The following SQOR variants were observed in gnomAD, a reference collection of about 807,000 sequenced individuals.
The protein encoded by SQOR is sulfide:quinone oxidoreductase, mitochondrial.
Under a neutral mutation model 48.6 loss-of-function variants are expected in SQOR, and 39 were observed. That is an observed-to-expected ratio of 0.80 (90% CI 0.62 to 1.05). SQOR has a LOEUF of 1.05. SQOR is among the 50% of genes least tolerant of loss of function. The probability of loss-of-function intolerance (pLI) is 0.00; values close to 1 mark genes in which losing one functional copy is unlikely to be tolerated. For missense variants in SQOR, 561 were observed against 559.9 expected, an observed-to-expected ratio of 1.00 and a Z score of -0.02; for synonymous variants, 220 against 206.2, an observed-to-expected ratio of 1.07 and a Z score of -0.57.
At position 45,636,404 on chromosome 15, in the gene SQOR, TTC is replaced by T. The variant is rs1269928920; in HGVS notation, c.-18+1298_-18+1299del. ...TAAGAAAATATCTGTAATTTCTTTCTTCTTTTTTTTTTTTTTTTGAGACGGAG... is the reference window on the plus strand; with the variant it reads ...TAAGAAAATATCTGTAATTTCTTTCTTTTTTTTTTTTTTTTTGAGACGGAG... On this transcript the variant is annotated intron_variant, in intron 1 of 9. Transcript: ENST00000260324. Among the ~76,000 whole-genome samples the T allele has an allele frequency of 1.6e-4, 23 of 141,120 alleles. 1 individual carries two copies. Among genetic ancestry groups the T allele is most frequent in the South Asian group, 6.8e-4 (3 of 4,406 alleles). 92.6% of individuals were successfully genotyped at this position (141,120 alleles called of 152,430 possible). A position where few individuals can be genotyped will look rare whatever the true frequency, so the allele number is the denominator to read the frequency against.
At chr15:45,636,259 GTTAT>G (rs1309588332) in intron 1 of SQOR, among the ~76,000 whole-genome samples, 5 of 151,834 alleles carry the variant, frequency 3.3e-5, no homozygotes, top group Admixed American at 2.0e-4. Context: ...AAACGAATGC[GTTAT>G]TTAATAACAA....
chr15:45,676,905 G>A (rs1325073835), intron 6 of SQOR, among the ~76,000 whole-genome samples: 1 of 152,258 alleles, frequency 6.6e-6, no homozygotes, highest in Non-Finnish European at 1.5e-5. Context: ...GCTGGGCGTG[G>A]TGGCACATCC....
At chr15:45,681,821 C>A (rs752156747) in intron 6 of SQOR, among the ~76,000 whole-genome samples, 1 of 152,130 alleles carries the variant, frequency 6.6e-6, no homozygotes, top group Admixed American at 6.6e-5. Flanking sequence ...AACCTTGATA[C>A]GGTGTTTTGG....
At chr15:45,662,185 A>C (rs1889732912) in intron 3 of SQOR, 60 bp downstream of exon 3, 1 of 1,572,242 alleles carries the variant, frequency 6.4e-7, no homozygotes, top group Admixed American at 1.7e-5. Flanking sequence ...ATATGCAGCC[A>C]TCTTAAACTG....
chr15:45,688,453 T>C, intron 8 of SQOR, 49 bp downstream of exon 8: 4 of 1,319,054 alleles, frequency 3.0e-6, no homozygotes, highest in Admixed American at 2.3e-5. Flanking sequence ...TCTTCCATTC[T>C]GTGTAAAAGT....
At position 45,689,074 on chromosome 15, in the gene SQOR, C is replaced by A; in HGVS notation, c.1152C>A (p.Gly384=). ...ACACATCATGTCCACTGGTGACCGG[C>A]TACAACCGTGTGATTCTTGCTGAGT... ...DGYTSCPLVT[G]YNRVILAEFD... The change falls in exon 9 of 10, where the codon GGC becomes GGA. Residue 384 remains glycine, a synonymous_variant. Coordinates refer to ENST00000260324, the MANE Select transcript of SQOR (RefSeq NM_021199.4). 1.2e-6 allele frequency: 2 copies of A among 1,614,154 alleles called. No individual in the cohort carries two copies. Among genetic ancestry groups the A allele is most frequent in the Non-Finnish European group, 1.7e-6 (2 of 1,180,018 alleles).
intron 6 of SQOR, among the ~76,000 whole-genome samples, chr15:45,680,933 G>T (rs956699590): frequency 1.3e-5 from 2 of 151,822 alleles, no homozygotes; most frequent in Non-Finnish European, 2.9e-5. Context: ...TCTAGGTCAG[G>T]TATGGTAGCT....
chr15:45,668,816 G>A (rs1047429335), intron 3 of SQOR, among the ~76,000 whole-genome samples: 3 of 152,120 alleles, frequency 2.0e-5, no homozygotes, highest in African/African-American at 7.2e-5. Flanking sequence ...CAGTTTTCTA[G>A]GCAAGTTCTT....
intron 1 of SQOR, among the ~76,000 whole-genome samples, chr15:45,637,387 A>G (rs1895023826): frequency 6.6e-6 from 1 of 152,172 alleles, no homozygotes; most frequent in African/African-American, 2.4e-5. Flanking sequence ...GCTGAAGTAG[A>G]TACCATTTAT....
In SQOR at chr15:45,682,504, A is replaced by C. The variant is rs780440052; in HGVS notation, c.891A>C (p.Pro297=). ...ISYEMLHVTP[P]MSPPDVLKTS... ...ATGAAATGCTTCATGTCACACCTCC[A>C]ATGAGCCCACCAGATGTCCTCAAGA... The change falls in exon 7 of 10, where the codon CCA becomes CCC. Residue 297 remains proline (P), a synonymous_variant. Transcript: ENST00000260324. 16 of 1,614,068 alleles carry C rather than the reference A, an allele frequency of 9.9e-6. No homozygotes were observed. The highest frequency in any genetic ancestry group is 3.3e-4 in the Middle Eastern group (2 of 6,082).
At chr15:45,687,477 A>G (rs1322423938) in intron 7 of SQOR, among the ~76,000 whole-genome samples, 1 of 152,204 alleles carries the variant, frequency 6.6e-6, no homozygotes, top group Admixed American at 6.5e-5. Flanking sequence ...AACTATTACT[A>G]ATATTTTGGG....
intron 3 of SQOR, among the ~76,000 whole-genome samples, chr15:45,662,369 C>T (rs1889736306): frequency 6.6e-6 from 1 of 152,152 alleles, no homozygotes; most frequent in African/African-American, 2.4e-5. Flanking sequence ...CCACTGTGCA[C>T]CCTATTGCTT....
intron 1 of SQOR, among the ~76,000 whole-genome samples, chr15:45,637,143 C>T (rs1895020537): frequency 1.3e-5 from 2 of 152,076 alleles, no homozygotes. Flanking sequence ...CACCACCACA[C>T]CTGGCTAATT....
intron 4 of SQOR, among the ~76,000 whole-genome samples, chr15:45,673,143 A>G (rs1566921393): frequency 6.6e-6 from 1 of 152,218 alleles, no homozygotes; most frequent in Admixed American, 6.5e-5. Flanking sequence ...GTGGGATCCT[A>G]AAGTCCATGT....
intron 1 of SQOR, among the ~76,000 whole-genome samples, chr15:45,639,543 G>T (rs889741944): frequency 6.6e-6 from 1 of 152,234 alleles, no homozygotes; most frequent in African/African-American, 2.4e-5. Context: ...CTGTATCCTG[G>T]TACCAATTCC....
Position 45,658,963 on chromosome 15 carries a change from C to T in SQOR, c.40C>T (p.Gln14Ter), listed in dbSNP as rs763412007. The change falls in exon 2 of 10, where the codon CAG becomes TAG. Residue 14 changes from glutamine (Q) to a stop codon, truncating the protein, a stop_gained. Coordinates refer to ENST00000260324, the MANE Select transcript of SQOR (RefSeq NM_021199.4). LOFTEE classifies it high-confidence loss of function. The part of the protein sequence containing the change: ...LVAVVSGPRA[Q>*]LFACLLRLGT... ...GGCTGTGGTATCAGGGCCCCGTGCCCAGCTCTTTGCCTGCCTGCTCAGGCT... is the reference window on the plus strand; with the variant it reads ...GGCTGTGGTATCAGGGCCCCGTGCCTAGCTCTTTGCCTGCCTGCTCAGGCT... 5.0e-6 allele frequency: 8 copies of T among 1,586,372 alleles called. No individual in the cohort carries two copies. Among genetic ancestry groups the T allele is most frequent in the Non-Finnish European group, 6.9e-6 (8 of 1,163,880 alleles).
At chr15:45,679,131 T>C (rs1003760268) in intron 6 of SQOR, among the ~76,000 whole-genome samples, 3 of 152,142 alleles carry the variant, frequency 2.0e-5, no homozygotes, top group African/African-American at 7.2e-5. Flanking sequence ...TTCTAAGGGG[T>C]TTGTAATTAA....
chr15:45,644,220 T>A (rs1196741346), intron 1 of SQOR, among the ~76,000 whole-genome samples: 1 of 152,072 alleles, frequency 6.6e-6, no homozygotes, highest in East Asian at 1.9e-4. Flanking sequence ...CCTGAGTAGC[T>A]GGGATTACAG....
At chr15:45,639,329 C>G in intron 1 of SQOR, among the ~76,000 whole-genome samples, 1 of 152,228 alleles carries the variant, frequency 6.6e-6, no homozygotes, top group East Asian at 1.9e-4. Context: ...GTGCCATGTA[C>G]ATAGTAAGTA....
Sources: allele counts gnomAD v4.1 joint callset (sites outside exome capture counted in the v4.1 genomes callset), GRCh38; gene constraint gnomAD v4.1.1; transcripts MANE v1.5; gene names NCBI Gene and HGNC (gene_info 2026-07-23, HGNC 2026-07-21).